Variants in VMP1 observed in about 807,000 individuals in gnomAD.
The protein encoded by VMP1 is vacuole membrane protein 1.
VMP1 carries 11 observed loss-of-function variants against 56.0 expected under a neutral mutation model. The observed-to-expected ratio is 0.20, with a 90% CI of 0.12 to 0.32. The LOEUF is 0.32. Among genes scored for constraint, VMP1 ranks in the 10% least tolerant of loss-of-function variants. VMP1 has a pLI of 1.00. For missense variants in VMP1, 296 were observed against 490.3 expected, an observed-to-expected ratio of 0.60 and a Z score of 3.74; for synonymous variants, 149 against 165.0, an observed-to-expected ratio of 0.90 and a Z score of 0.74.
At chr17:59,763,481 A>C (rs932473852) in intron 5 of VMP1, among the ~76,000 whole-genome samples, 2 of 152,082 alleles carry the variant, frequency 1.3e-5, no homozygotes, top group Non-Finnish European at 2.9e-5. Context: ...CTTCACATCG[A>C]TTTTTTTGAT....
At chr17:59,817,966 C>A (rs2038304980) in intron 10 of VMP1, among the ~76,000 whole-genome samples, 193 bp downstream of exon 10, 1 of 151,618 alleles carries the variant, frequency 6.6e-6, no homozygotes, top group African/African-American at 2.4e-5. Flanking sequence ...TTACATTATC[C>A]CTGTTTAATT....
At chr17:59,732,538 C>G (rs765737820) in intron 2 of VMP1, among the ~76,000 whole-genome samples, 1 of 125,790 alleles carries the variant, frequency 7.9e-6, no homozygotes, top group Non-Finnish European at 1.9e-5. Context: ...CCACCGCGCC[C>G]GGCCTCATTT....
intron 6 of VMP1, among the ~76,000 whole-genome samples, chr17:59,772,947 A>ATTTTTTTTTTTTTT (rs1488990377): frequency 1.4e-5 from 1 of 70,584 alleles, no homozygotes; most frequent in Non-Finnish European, 2.8e-5. Flanking sequence ...ATACTGGTGA[A>ATTTTTTTTTTTTTT]TTCTTTTTTT....
At chr17:59,838,100 CT>C (rs371074488) in intron 10 of VMP1, 194 bp from the exon 11 acceptor site, 8,238 of 129,280 alleles carry the variant, frequency 0.064, 192 homozygotes, top group Middle Eastern at 0.14. Context: ...AGTAAATTTT[CT>C]TTTTTTTTTT....
chr17:59,765,799 C>A (rs2036211178), intron 6 of VMP1, among the ~76,000 whole-genome samples: 1 of 151,990 alleles, frequency 6.6e-6, no homozygotes, highest in South Asian at 2.1e-4. Flanking sequence ...CACCCATTAT[C>A]ACTTGTACTG....
intron 10 of VMP1, among the ~76,000 whole-genome samples, chr17:59,822,965 A>G (rs570388627): frequency 2.0e-5 from 3 of 152,326 alleles, no homozygotes; most frequent in Admixed American, 2.0e-4. Flanking sequence ...ACCCGCCTGT[A>G]GTCCCTGCTA....
chr17:59,765,199 C>T, intron 6 of VMP1, 61 bp downstream of exon 6: 2 of 1,516,742 alleles, frequency 1.3e-6, no homozygotes, highest in Non-Finnish European at 1.8e-6. Context: ...AGTGTGTGTA[C>T]CTTATTGAAA....
At chr17:59,813,830 G>A (rs2038135703) in intron 9 of VMP1, among the ~76,000 whole-genome samples, 2 of 152,072 alleles carry the variant, frequency 1.3e-5, no homozygotes, top group Admixed American at 1.3e-4. Flanking sequence ...TGAATGCAGT[G>A]CCTTTCTATA....
intron 5 of VMP1, among the ~76,000 whole-genome samples, chr17:59,760,269 C>T (rs1459541311): frequency 6.6e-6 from 1 of 152,096 alleles, no homozygotes; most frequent in Non-Finnish European, 1.5e-5. Flanking sequence ...TTCCTCCTCC[C>T]ATAATTTATA....
chr17:59,823,310 G>C (rs1158190928), intron 10 of VMP1, among the ~76,000 whole-genome samples: 1 of 152,078 alleles, frequency 6.6e-6, no homozygotes, highest in South Asian at 2.1e-4. Flanking sequence ...AATTAGCTGG[G>C]CATGGTGCCG....
chr17:59,791,014 C>T (rs755705961), intron 7 of VMP1, among the ~76,000 whole-genome samples: 2 of 152,090 alleles, frequency 1.3e-5, no homozygotes, highest in African/African-American at 2.4e-5. Flanking sequence ...TATATCTCTC[C>T]TAGCATGAAA....
chr17:59,815,454 GA>G (rs1038181176), intron 9 of VMP1, among the ~76,000 whole-genome samples: 1 of 140,424 alleles, frequency 7.1e-6, no homozygotes, highest in African/African-American at 2.7e-5. Context: ...AAACTCCCAG[GA>G]GGGCAGAGAT....
intron 10 of VMP1, among the ~76,000 whole-genome samples, chr17:59,822,956 C>A (rs2038504936): frequency 6.6e-6 from 1 of 152,052 alleles, no homozygotes; most frequent in Non-Finnish European, 1.5e-5. Flanking sequence ...CATGGTGGTA[C>A]CCGCCTGTAG....
At chr17:59,786,873 A>G (rs2037024483) in intron 7 of VMP1, among the ~76,000 whole-genome samples, 1 of 152,228 alleles carries the variant, frequency 6.6e-6, no homozygotes, top group African/African-American at 2.4e-5. Flanking sequence ...TACCATAGTG[A>G]ACATGAGAGA....
intron 1 of VMP1, among the ~76,000 whole-genome samples, chr17:59,726,852 G>A (rs981266399): frequency 2.6e-5 from 4 of 152,170 alleles, no homozygotes; most frequent in Non-Finnish European, 4.4e-5. Context: ...CTTCACACAA[G>A]TATGACTTAA....
intron 10 of VMP1, among the ~76,000 whole-genome samples, chr17:59,821,830 G>A (rs567391178): frequency 6.0e-5 from 9 of 151,216 alleles, no homozygotes; most frequent in South Asian, 2.1e-4. Context: ...GATTACAGGC[G>A]TGAGCCACTG....
chr17:59,774,970 C>CT (rs2036566718), intron 7 of VMP1, among the ~76,000 whole-genome samples: 1 of 147,340 alleles, frequency 6.8e-6, no homozygotes, highest in Non-Finnish European at 1.5e-5. Flanking sequence ...GAGATGGAGT[C>CT]TCGCTCTGTC....
chr17:59,714,631 G>A (rs369217374), intron 1 of VMP1, among the ~76,000 whole-genome samples: 42 of 134,740 alleles, frequency 3.1e-4, no homozygotes, highest in African/African-American at 1.1e-3. Flanking sequence ...TTGTTCTTGC[G>A]TTTTTGTTTT....
At chr17:59,728,278 A>G (rs1598299961) in intron 1 of VMP1, among the ~76,000 whole-genome samples, 1 of 152,236 alleles carries the variant, frequency 6.6e-6, no homozygotes, top group East Asian at 1.9e-4. Context: ...ACCCATGACC[A>G]TATCATATTC....
Sources: gnomAD v4.1 joint callset for allele counts (sites outside exome capture counted in the v4.1 genomes callset) on GRCh38, gnomAD v4.1.1 for gene constraint, MANE v1.5 for transcripts, NCBI Gene and HGNC (gene_info 2026-07-23, HGNC 2026-07-21) for gene names.